Variants in ENO4 observed in about 807,000 individuals in gnomAD.
ENO4 encodes enolase 4, also known as 2-phospho-D-glycerate hydro-lyase.
ENO4 carries 53 observed loss-of-function variants against 63.2 expected under a neutral mutation model. That is an observed-to-expected ratio of 0.84 (90% CI 0.67 to 1.05). The LOEUF is 1.05. ENO4 is among the 50% of genes least tolerant of loss of function. The pLI is 0.00. For missense variants in ENO4, 719 were observed against 772.0 expected (o/e 0.93, Z 0.81); for synonymous variants, 266 against 283.8 (o/e 0.94, Z 0.63).
chr10:116,862,722 T>A, intron 6 of ENO4, 77 bp from the exon 7 acceptor site: 1 of 1,003,348 alleles, frequency 1.0e-6, no homozygotes, highest in Non-Finnish European at 1.5e-6. Flanking sequence ...GAGTTAGAAA[T>A]AGCCACGTGT....
At chr10:116,880,105 G>C (rs1846962547) in intron 13 of ENO4, 119 bp downstream of exon 13, 2 of 687,490 alleles carry the variant, frequency 2.9e-6, no homozygotes, top group East Asian at 5.8e-5. Flanking sequence ...CCATACATAA[G>C]TGCTGACAAA....
rs1564840810 is a variant in ENO4, at chr10:116,849,648, C to A, written c.82C>A (p.Arg28=). The part of the protein sequence containing the change: ...KLKQQAMEYY[R]ENDVPRRLEE... Reference sequence around the variant, plus strand: ...GAAGCAGCAGGCGATGGAGTACTACCGGGAGAACGACGTTCCGCGCAGGCT... The same window carrying A: ...GAAGCAGCAGGCGATGGAGTACTACAGGGAGAACGACGTTCCGCGCAGGCT... The change falls in exon 1 of 14, where the codon CGG becomes AGG. Residue 28 remains arginine (R), a synonymous_variant. Coordinates refer to ENST00000341276, the MANE Select transcript of ENO4 (RefSeq NM_001242699.2). The A allele has an allele frequency of 1.3e-6, 2 of 1,550,244 alleles. No individual in the cohort carries two copies. Among genetic ancestry groups the A allele is most frequent in the East Asian group, 2.4e-5 (1 of 40,854 alleles).
At chr10:116,911,262 T>A (rs1166215729) in intron 10 of ENO4, among the ~76,000 whole-genome samples, 1 of 152,192 alleles carries the variant, frequency 6.6e-6, no homozygotes, top group Non-Finnish European at 1.5e-5. Flanking sequence ...GCTCTCCAAC[T>A]GTCAGAAAAT....
At chr10:116,860,171 C>G (rs146602812) in intron 4 of ENO4, among the ~76,000 whole-genome samples, 11 of 152,296 alleles carry the variant, frequency 7.2e-5, no homozygotes. Flanking sequence ...AAGGAACGGA[C>G]AAGAGGAACA....
intron 3 of ENO4, among the ~76,000 whole-genome samples, chr10:116,858,704 A>G (rs553309334): frequency 2.6e-5 from 4 of 152,358 alleles, no homozygotes; most frequent in African/African-American, 9.6e-5. Context: ...TACATCTTCA[A>G]GTTTTACTCT....
Position 116,849,727 on chromosome 10 carries a change from A to G in ENO4, c.161A>G (p.His54Arg). The change falls in exon 1 of 14, where the codon CAC (histidine) becomes CGC (arginine). Residue 54 changes from histidine (H) to arginine (R), a missense_variant. His to Arg is a conservative substitution (Grantham distance 29, BLOSUM62 0). Around this residue, in one of 3 missense-constraint regions of ENO4, gnomAD observed 544 missense variants for 583.6 expected, o/e 0.93. Transcript: ENST00000341276. The stretch of plus-strand genomic sequence containing the variant: ...CTCCAGCCTGCCGACGTCTACGGGC[A>G]CCTGGTAGGGACCTGGGACAAGCGC... ...FYLQPADVYG[H>R]LANCFSKLAK... 1 of 1,519,766 alleles carries G rather than the reference A, an allele frequency of 6.6e-7. No individual in the cohort carries two copies. The highest frequency in any genetic ancestry group is 8.8e-7 in the Non-Finnish European group (1 of 1,131,500). 94.1% of individuals were successfully genotyped at this position (1,519,766 alleles called of 1,614,324 possible).
chr10:116,905,559 G>A (rs1847936455), intron 10 of ENO4, among the ~76,000 whole-genome samples: 1 of 151,896 alleles, frequency 6.6e-6, no homozygotes, highest in Non-Finnish European at 1.5e-5. Flanking sequence ...AGCCACTTTG[G>A]GTTCAAGGAA....
At chr10:116,893,491 T>C (rs1489185747) in intron 10 of ENO4, among the ~76,000 whole-genome samples, 1 of 151,060 alleles carries the variant, frequency 6.6e-6, no homozygotes, top group South Asian at 2.1e-4. Flanking sequence ...TTCATTCTGC[T>C]AGCTGGTAGT....
At chr10:116,883,378 G>C (rs1205588078), downstream of ENO4, 1 of 152,106 alleles carries the variant, frequency 6.6e-6, no homozygotes, top group African/African-American at 2.4e-5. Context: ...TGTGGGATAG[G>C]GACATGTTAG....
chr10:116,855,529 AC>A, intron 1 of ENO4, 93 bp from the exon 2 acceptor site: 1 of 1,450,930 alleles, frequency 6.9e-7, no homozygotes, highest in Non-Finnish European at 9.3e-7. Flanking sequence ...AATGTGAATG[AC>A]CTTTTGAAGA....
intron 3 of ENO4, among the ~76,000 whole-genome samples, chr10:116,857,152 A>T (rs12248084): frequency 0.054 from 8,176 of 152,168 alleles, 641 homozygotes; most frequent in African/African-American, 0.17. Flanking sequence ...TTCTCCTGAA[A>T]ACCATGTAGT....
chr10:116,853,462 A>T (rs183733758), intron 1 of ENO4, among the ~76,000 whole-genome samples: 1 of 152,304 alleles, frequency 6.6e-6, no homozygotes, highest in African/African-American at 2.4e-5. Context: ...GTGCCCAGGG[A>T]TGTCACTGAC....
chr10:116,879,537 T>TG (rs1846938043), intron 12 of ENO4, among the ~76,000 whole-genome samples, 179 bp downstream of exon 12: 1 of 152,214 alleles, frequency 6.6e-6, no homozygotes, highest in Non-Finnish European at 1.5e-5. Flanking sequence ...GAAGAAAAAT[T>TG]GAAGTCCAGG....
intron 1 of ENO4, among the ~76,000 whole-genome samples, chr10:116,850,956 G>A (rs969879292): frequency 1.2e-4 from 18 of 152,166 alleles, no homozygotes; most frequent in African/African-American, 4.1e-4. Context: ...CTACCTGCAG[G>A]ATGAATGAGT....
At chr10:116,851,757 G>A (rs1313185282) in intron 1 of ENO4, among the ~76,000 whole-genome samples, 6 of 151,734 alleles carry the variant, frequency 4.0e-5, no homozygotes, top group Admixed American at 3.9e-4. Context: ...CCCACTCCCT[G>A]CCCTCCTCCT....
rs1325773082 is a variant in ENO4, at chr10:116,904,528, C to T, written c.1195-6971C>T. On this transcript the variant is annotated intron_variant, in intron 10 of 10. Coordinates refer to the ENO4 transcript ENST00000369207. The stretch of plus-strand genomic sequence containing the variant: ...CACTCCCTTAGTGTGTGTTTGCTCT[C>T]TACCTCACCAATGAGTTCTCATTTT... Among the ~76,000 whole-genome samples, 3 of 151,754 alleles carry T rather than the reference C, an allele frequency of 2.0e-5. No homozygotes were observed. The East Asian group carries it at 5.8e-4, about 29-fold the overall frequency.
At chr10:116,853,226 C>T (rs1433999919) in intron 1 of ENO4, among the ~76,000 whole-genome samples, 1 of 135,036 alleles carries the variant, frequency 7.4e-6, no homozygotes, top group African/African-American at 2.8e-5. Flanking sequence ...ACCCGGGAGG[C>T]GGAGCTTGCA....
Position 116,881,598 on chromosome 10 carries a change from G to A in ENO4, c.1807G>A (p.Glu603Lys). Residue 603 changes from glutamate to lysine, a missense_variant, in exon 14 of 14, where the codon GAG becomes AAG. Physicochemically the swap from Glu to Lys is moderately conservative, Grantham distance 56. Around this residue, in one of 3 missense-constraint regions of ENO4, gnomAD observed 168 missense variants for 163.3 expected, o/e 1.03. Coordinates refer to ENST00000341276, the MANE Select transcript of ENO4 (RefSeq NM_001242699.2). ...GGCACTTGAGGCTGCTGCGGCTAGGGAGCCGCTGGTGCCCACCTTCCCCAC... is the reference window on the plus strand; with the variant it reads ...GGCACTTGAGGCTGCTGCGGCTAGGAAGCCGCTGGTGCCCACCTTCCCCAC... ...AEALEAAAAR[E>K]PLVPTFPTQG... is the part of the protein sequence containing the mutation. The A allele has an allele frequency of 1.3e-6, 2 of 1,550,412 alleles. No individual in the cohort carries two copies. The highest frequency in any genetic ancestry group is 1.7e-6 in the Non-Finnish European group (2 of 1,146,890).
At chr10:116,892,182 A>G (rs1011391305) in intron 10 of ENO4, among the ~76,000 whole-genome samples, 15 of 152,152 alleles carry the variant, frequency 9.9e-5, no homozygotes, top group South Asian at 2.1e-4. Context: ...CCGGACCACA[A>G]TGCAATGCTA....
Sources: allele counts gnomAD v4.1 joint callset (sites outside exome capture counted in the v4.1 genomes callset), GRCh38; gene constraint gnomAD v4.1.1; regional missense constraint gnomAD v4.1.1; transcripts MANE v1.5; gene names NCBI Gene and HGNC (gene_info 2026-07-23, HGNC 2026-07-21).